ZNF280C: variants seen among roughly 807,000 people sequenced by gnomAD.
The protein encoded by ZNF280C is zinc finger protein 280C, also known as suppressor of hairy wing homolog 3.
A neutral mutation model predicts 53.6 loss-of-function variants in ZNF280C; 14 were observed. That is an observed-to-expected ratio of 0.26 (90% confidence interval 0.17 to 0.41). ZNF280C has a LOEUF of 0.41. Among genes scored for constraint, ZNF280C ranks in the 10% least tolerant of loss-of-function variants. The probability of loss-of-function intolerance (pLI) is 1.00; values close to 1 mark genes in which losing one functional copy is unlikely to be tolerated. For missense variants in ZNF280C, 416 were observed against 547.1 expected (o/e 0.76, Z 2.39); for synonymous variants, 203 against 181.1 (o/e 1.12, Z -0.97).
chrX:130,248,873 C>A (rs1052266014), intron 2 of ZNF280C, among the ~76,000 whole-genome samples: 12 of 112,439 alleles, frequency 1.1e-4, no homozygotes, highest in African/African-American at 3.6e-4. Context: ...CGTATGTGCG[C>A]AAGTGGATCT....
At chrX:130,259,363 T>C (rs111780011) in intron 2 of ZNF280C, among the ~76,000 whole-genome samples, 10 of 112,451 alleles carry the variant, frequency 8.9e-5, no homozygotes, top group African/African-American at 2.9e-4. Flanking sequence ...TCATATATAC[T>C]GATGATTGAA....
At chrX:130,226,182 T>C (rs1162163117) in intron 12 of ZNF280C, among the ~76,000 whole-genome samples, 1 of 112,547 alleles carries the variant, frequency 8.9e-6, no homozygotes, top group Non-Finnish European at 1.9e-5. Context: ...TTCACATATC[T>C]GGTCATAAGT....
intron 12 of ZNF280C, among the ~76,000 whole-genome samples, chrX:130,221,096 G>A (rs2124700607): frequency 9.0e-6 from 1 of 111,163 alleles, no homozygotes; most frequent in South Asian, 3.8e-4. Context: ...AGTAGTTACT[G>A]GTGCATAAAA....
Position 130,204,920 on chromosome X carries a change from C to T in ZNF280C, c.*57G>A, listed in dbSNP as rs746467219. On this transcript the variant is annotated 3_prime_UTR_variant, in exon 19 of 19. Coordinates refer to ENST00000370978, the MANE Select transcript of ZNF280C (RefSeq NM_017666.5). ...TGAGAAAATACTTCAGAACTTTGAA[C>T]TTAGGAACTTCCAACTTGTCTTGCA... The T allele has an allele frequency of 1.6e-5, 17 of 1,038,180 alleles. No homozygotes were observed. The South Asian group carries it at 5.0e-4, about 31-fold the overall frequency. The allele number at this position is 1,038,180 out of a possible 1,213,427, so 85.6% of individuals were successfully genotyped here.
chrX:130,233,982 T>TA (rs945069551), intron 8 of ZNF280C, among the ~76,000 whole-genome samples: 102 of 106,547 alleles, frequency 9.6e-4, no homozygotes, highest in Middle Eastern at 4.8e-3. Context: ...AGACTTTTTT[T>TA]AAAAAAAAAA....
At position 130,229,152 on chromosome X, in the gene ZNF280C, G is replaced by A. The variant is rs1281546274; in HGVS notation, c.990-18C>T. On this transcript the variant is annotated intron_variant, in intron 9 of 18. Transcript: ENST00000370978. The stretch of plus-strand genomic sequence containing the variant: ...TCATAAACCTACAAACAATTTGCCA[G>A]TAAGAGCAAAAATTCAGACTTATAA... 4.3e-6 allele frequency: 5 copies of A among 1,174,170 alleles called. No homozygotes were observed.
rs1288419590 is a variant in ZNF280C at position 130,203,798 on chromosome X, A to T, written c.*1179T>A. 1 of 112,552 alleles carries T rather than the reference A, an allele frequency of 8.9e-6. No individual in the cohort carries two copies. Among genetic ancestry groups the T allele is most frequent in the Non-Finnish European group, 1.9e-5 (1 of 53,325 alleles). 9.3% of individuals were successfully genotyped at this position (112,552 alleles called of 1,213,427 possible). ...GAAATTTTGTTTTTCCAAAAACAAG[A>T]AAGTAACCTTGGTTCCCAATACAAC... On this transcript the variant is annotated 3_prime_UTR_variant, in exon 19 of 19. Coordinates refer to ENST00000370978, the MANE Select transcript of ZNF280C (RefSeq NM_017666.5).
At chrX:130,237,564 C>T (rs2032347639) in intron 6 of ZNF280C, among the ~76,000 whole-genome samples, 2 of 111,224 alleles carry the variant, frequency 1.8e-5, no homozygotes, top group African/African-American at 6.5e-5. Context: ...AAATAATATA[C>T]GATTGTACTT....
intron 7 of ZNF280C, 39 bp downstream of exon 7, chrX:130,236,429 AT>A: frequency 8.7e-7 from 1 of 1,144,084 alleles, no homozygotes; most frequent in Non-Finnish European, 1.2e-6. Context: ...GTATATAAAA[AT>A]AATACTATTT....
In ZNF280C at chrX:130,267,895, C is replaced by CA. The variant is rs1349211877; in HGVS notation, c.-17+866dup. Among the ~76,000 whole-genome samples, 3 of 111,977 alleles carry CA rather than the reference C, an allele frequency of 2.7e-5. No individual in the cohort carries two copies. The East Asian group carries it at 8.4e-4, about 31-fold the overall frequency. ...AAGGTCGCAGATTTAAAAAACTCCA[C>CA]AAAACTAACAAATCTTTCCAAACAA... On this transcript the variant is annotated intron_variant, in intron 1 of 18. Transcript: ENST00000370978.
In ZNF280C at chrX:130,243,422, G is replaced by A. The variant is rs1351956854; in HGVS notation, c.381+141C>T. On this transcript the variant is annotated intron_variant, in intron 5 of 18. Coordinates refer to ENST00000370978, the MANE Select transcript of ZNF280C (RefSeq NM_017666.5). ...TGGTCTCGAACTCCTGGGCTCAAGC[G>A]ATCTGCCTGCCTTGGCCTCCCAAAG... The A allele has an allele frequency of 7.8e-5, 49 of 627,140 alleles. No individual in the cohort carries two copies. In the Admixed American group the frequency reaches 1.5e-3, roughly 20 times the overall value. 51.7% of individuals were successfully genotyped at this position (627,140 alleles called of 1,213,427 possible).
chrX:130,215,544 T>G (rs2032091594), intron 14 of ZNF280C, among the ~76,000 whole-genome samples: 1 of 111,943 alleles, frequency 8.9e-6, no homozygotes, highest in Non-Finnish European at 1.9e-5. Flanking sequence ...AGGGATCAAA[T>G]AAACCAATTA....
Position 130,216,043 on chromosome X carries a change from C to A in ZNF280C, c.1586G>T (p.Gly529Val). ...LQSKLPTAPF[G>V]CAPGTSFLQV... ...AAGAAAAGAAGTGCCTGGAGCGCAA[C>A]CGAAAGGTGCAGTTGGTAATTTTGA... Residue 529 changes from glycine to valine, a missense_variant, in exon 14 of 19, where the codon GGT becomes GTT. By Grantham distance (109) the Gly-to-Val change is moderately radical (BLOSUM62 -3). Around this residue, in one of 3 missense-constraint regions of ZNF280C, gnomAD observed 151 missense variants for 176.9 expected, o/e 0.85. Transcript: ENST00000370978. 8.3e-7 allele frequency: 1 copy of A among 1,211,265 alleles called. No homozygotes were observed. Among genetic ancestry groups the A allele is most frequent in the Non-Finnish European group, 1.1e-6 (1 of 895,304 alleles).
intron 6 of ZNF280C, 149 bp from the exon 7 acceptor site, chrX:130,236,788 A>G (rs953676832): frequency 2.8e-6 from 1 of 354,711 alleles, no homozygotes; most frequent in Non-Finnish European, 4.8e-6. Flanking sequence ...TTTAATAAGC[A>G]TATCATACAA....
At chrX:130,240,220 A>C (rs1199922311) in intron 5 of ZNF280C, among the ~76,000 whole-genome samples, 1 of 111,695 alleles carries the variant, frequency 9.0e-6, no homozygotes, top group Non-Finnish European at 1.9e-5. Context: ...ATACCCAATG[A>C]CAAAGAACAA....
intron 16 of ZNF280C, among the ~76,000 whole-genome samples, chrX:130,209,140 T>C (rs1394791703): frequency 1.8e-5 from 2 of 112,228 alleles, no homozygotes; most frequent in African/African-American, 6.5e-5. Context: ...AGGTACTATG[T>C]GCCTGGCAAA....
chrX:130,240,369 C>T (rs1012440038), intron 5 of ZNF280C, among the ~76,000 whole-genome samples: 3 of 111,134 alleles, frequency 2.7e-5, no homozygotes, highest in African/African-American at 9.8e-5. Flanking sequence ...ATATTCTTCC[C>T]TGTCTCTTTT....
intron 5 of ZNF280C, among the ~76,000 whole-genome samples, chrX:130,240,847 G>A (rs943169034): frequency 8.9e-6 from 1 of 112,014 alleles, no homozygotes; most frequent in Admixed American, 9.5e-5. Context: ...GTTACCTTGG[G>A]CAAGCCACTT....
intron 8 of ZNF280C, among the ~76,000 whole-genome samples, chrX:130,233,952 T>C (rs912619346): frequency 5.5e-5 from 6 of 109,841 alleles, no homozygotes; most frequent in African/African-American, 2.0e-4. Context: ...AGAAAAACTT[T>C]CCTAAAATCA....
Sources: allele counts gnomAD v4.1 joint callset (sites outside exome capture counted in the v4.1 genomes callset), GRCh38; gene constraint gnomAD v4.1.1; regional missense constraint gnomAD v4.1.1; transcripts MANE v1.5; gene names NCBI Gene and HGNC (gene_info 2026-07-23, HGNC 2026-07-21).